The following NFKB1 variants were observed in gnomAD, a reference collection of about 807,000 sequenced individuals.
NFKB1 encodes the protein nuclear factor kappa B subunit 1, also known as nuclear factor NF-kappa-B p105 subunit.
In NFKB1, 9 loss-of-function variants were observed where a neutral mutation model predicts 105.1. That is an observed-to-expected ratio of 0.09 (90% CI 0.05 to 0.15). The LOEUF is 0.15. NFKB1 is among the 10% of genes least tolerant of loss of function. The probability of loss-of-function intolerance (pLI) is 1.00; values close to 1 mark genes in which losing one functional copy is unlikely to be tolerated. For missense variants in NFKB1, 830 were observed against 1,203.7 expected, an observed-to-expected ratio of 0.69 and a Z score of 4.59; for synonymous variants, 440 against 442.2, an observed-to-expected ratio of 1.00 and a Z score of 0.06.
chr4:102,545,922 C>T (rs17032781), intron 5 of NFKB1, among the ~76,000 whole-genome samples: 3 of 151,930 alleles, frequency 2.0e-5, no homozygotes, highest in South Asian at 2.1e-4. Context: ...TAAGAGGATA[C>T]GGCACAACGT....
chr4:102,605,986 C>T (rs949978703), intron 16 of NFKB1, among the ~76,000 whole-genome samples: 2 of 152,100 alleles, frequency 1.3e-5, no homozygotes, highest in Non-Finnish European at 2.9e-5. Context: ...ATAAAATTAT[C>T]AGCTGGAGGT....
At position 102,543,288 on chromosome 4, in the gene NFKB1, TTCCTA is replaced by T. The variant is rs1333301901; in HGVS notation, c.258+5338_258+5342del. Among the ~76,000 whole-genome samples, 10 of 152,292 alleles carry T rather than the reference TTCCTA, an allele frequency of 6.6e-5. No homozygotes were observed. The South Asian group carries it at 1.7e-3, about 25-fold the overall frequency. ...CTCTAGAGTGACCAGAAAGTACCCC[TTCCTA>T]TCCTAACTAATGTGACACGTCCTTC... On this transcript the variant is annotated intron_variant, in intron 5 of 23. Transcript: ENST00000226574.
chr4:102,596,901 A>C (rs964919531), intron 14 of NFKB1, among the ~76,000 whole-genome samples: 1 of 151,990 alleles, frequency 6.6e-6, no homozygotes, highest in Non-Finnish European at 1.5e-5. Flanking sequence ...TGGTGGCCAC[A>C]TGTGGTGTCT....
chr4:102,595,015 GA>G (rs568116711), intron 13 of NFKB1, 34 bp downstream of exon 13: 13 of 1,414,626 alleles, frequency 9.2e-6, no homozygotes, highest in African/African-American at 4.2e-5. Flanking sequence ...ACCAAGAAAG[GA>G]AAAAAATAAT....
intron 22 of NFKB1, 97 bp downstream of exon 22, chr4:102,612,703 TGAA>T: frequency 8.1e-7 from 1 of 1,227,264 alleles, no homozygotes; most frequent in Non-Finnish European, 1.1e-6. Context: ...TCCTTAACTC[TGAA>T]GAAGAAAACC....
intron 11 of NFKB1, 29 bp from the exon 12 acceptor site, chr4:102,593,396 T>C (rs753530235): frequency 1.1e-5 from 18 of 1,594,980 alleles, no homozygotes; most frequent in African/African-American, 1.4e-5. Context: ...CAATCTTTTC[T>C]CCTCTGGTTT....
chr4:102,543,076 C>T (rs185443910), intron 5 of NFKB1, among the ~76,000 whole-genome samples: 91 of 152,220 alleles, frequency 6.0e-4, no homozygotes, highest in Non-Finnish European at 8.2e-4. Context: ...AGCACAGGAA[C>T]CTTCCTCTAG....
intron 15 of NFKB1, among the ~76,000 whole-genome samples, chr4:102,599,492 G>A (rs1251089081): frequency 6.6e-6 from 1 of 152,204 alleles, no homozygotes; most frequent in African/African-American, 2.4e-5. Flanking sequence ...TGTCCCAGAT[G>A]TAGTGCTGCT....
At chr4:102,585,757 GT>G (rs557245088) in intron 11 of NFKB1, among the ~76,000 whole-genome samples, 75 of 152,230 alleles carry the variant, frequency 4.9e-4, no homozygotes, top group Non-Finnish European at 9.9e-4. Flanking sequence ...AGAAGGCTTC[GT>G]CAAGGAGATA....
intron 15 of NFKB1, 29 bp downstream of exon 15, chr4:102,597,690 G>T (rs1333806193): frequency 6.3e-7 from 1 of 1,596,544 alleles, no homozygotes; most frequent in South Asian, 1.1e-5. Context: ...ATGATAGGTT[G>T]TCCTGGGTGG....
rs755209880 is a variant in NFKB1 at position 102,533,900 on chromosome 4, G to T, written c.159+15G>T. The T allele has an allele frequency of 4.4e-6, 7 of 1,606,000 alleles. No individual in the cohort carries two copies. In the South Asian group the frequency reaches 5.5e-5, roughly 13 times the overall value. ...AACCTAAACAGGTAAGATTAAAGGG[G>T]TGGGACTTTAAATGTTAGATTCCAG... On this transcript the variant is annotated intron_variant, in intron 4 of 23. Transcript: ENST00000226574.
intron 5 of NFKB1, among the ~76,000 whole-genome samples, chr4:102,549,555 TTA>T (rs553420737): frequency 6.6e-6 from 1 of 151,426 alleles, no homozygotes. Flanking sequence ...GTTCTATTAA[TTA>T]TATATATATG....
In NFKB1 at chr4:102,567,135, G is replaced by C. The variant is rs761899477; in HGVS notation, c.407G>C (p.Gly136Ala). 24 of 1,613,176 alleles carry C rather than the reference G, an allele frequency of 1.5e-5. No homozygotes were observed. The Admixed American group carries it at 3.7e-4, about 25-fold the overall frequency. ...GCTGGACCCAAGGACATGGTGGTCGGGTAAGTAGGGGTATATGATGCTGTG... is the reference window on the plus strand; with the variant it reads ...GCTGGACCCAAGGACATGGTGGTCGCGTAAGTAGGGGTATATGATGCTGTG... ...VTAGPKDMVV[G>A]FANLGILHVT... The change falls in exon 6 of 24, where the codon GGC becomes GCC. Residue 136 changes from glycine to alanine, a missense_variant and splice_region_variant. By Grantham distance (60) the Gly-to-Ala change is moderately conservative. Around this residue, in one of 8 missense-constraint regions of NFKB1, gnomAD observed 64 missense variants for 79.9 expected, o/e 0.80. Coordinates refer to ENST00000226574, the MANE Select transcript of NFKB1 (RefSeq NM_003998.4).
At chr4:102,610,767 G>C in intron 20 of NFKB1, 68 bp downstream of exon 20, 1 of 1,563,980 alleles carries the variant, frequency 6.4e-7, no homozygotes, top group South Asian at 1.2e-5. Context: ...TGTAAGAACA[G>C]ATGGTCTTCC....
intron 5 of NFKB1, among the ~76,000 whole-genome samples, chr4:102,544,273 T>C (rs910549689): frequency 6.6e-6 from 1 of 152,182 alleles, no homozygotes; most frequent in Non-Finnish European, 1.5e-5. Flanking sequence ...TTTTAAGATT[T>C]TTTCTTTTTT....
intron 11 of NFKB1, among the ~76,000 whole-genome samples, chr4:102,586,854 G>T (rs1312640392): frequency 6.6e-6 from 1 of 152,228 alleles, no homozygotes; most frequent in Non-Finnish European, 1.5e-5. Context: ...ATGGGTGGGT[G>T]TTGTCTCCTG....
Position 102,537,918 on chromosome 4 carries a change from T to A in NFKB1, c.220T>A (p.Ser74Thr), listed in dbSNP as rs1304282431. The A allele has an allele frequency of 6.2e-7, 1 of 1,612,610 alleles. No homozygotes were observed. Among genetic ancestry groups the A allele is most frequent in the Admixed American group, 1.7e-5 (1 of 59,990 alleles). ...GPSHGGLPGA[S>T]SEKNKKSYPQ... ...ATCCCATGGTGGACTACCTGGTGCCTCTAGTGAAAAGAACAAGAAGTCTTA... is the reference window on the plus strand; with the variant it reads ...ATCCCATGGTGGACTACCTGGTGCCACTAGTGAAAAGAACAAGAAGTCTTA... Residue 74 changes from serine to threonine, a missense_variant, in exon 5 of 24, where the codon TCT becomes ACT. Ser to Thr is a moderately conservative substitution (Grantham distance 58). This residue lies in a region of NFKB1 where 15 missense variants were observed against 45.9 expected (regional missense o/e 0.33). Transcript: ENST00000226574.
chr4:102,579,072 AAGAATAGACTTCC>A (rs771568132), intron 8 of NFKB1, 33 bp downstream of exon 8: 1 of 1,598,670 alleles, frequency 6.3e-7, no homozygotes, highest in South Asian at 1.1e-5. Flanking sequence ...GGGGCACACC[AAGAATAGACTTCC>A]AGCCCTGCCC....
At chr4:102,576,272 C>T (rs1724812374) in intron 6 of NFKB1, among the ~76,000 whole-genome samples, 1 of 152,124 alleles carries the variant, frequency 6.6e-6, no homozygotes, top group Non-Finnish European at 1.5e-5. Context: ...CTTTAAATCC[C>T]ATTCAGAAAC....
Sources: allele counts gnomAD v4.1 joint callset (sites outside exome capture counted in the v4.1 genomes callset), GRCh38; gene constraint gnomAD v4.1.1; regional missense constraint gnomAD v4.1.1; transcripts MANE v1.5; gene names NCBI Gene and HGNC (gene_info 2026-07-23, HGNC 2026-07-21).